Variants in AGL observed in about 807,000 individuals in gnomAD.
The protein encoded by AGL is amylo-alpha-1,6-glucosidase and 4-alpha-glucanotransferase, also known as glycogen debranching enzyme.
In AGL, 128 loss-of-function variants were observed where a neutral mutation model predicts 199.3. The ratio of observed to expected loss-of-function variants is 0.64; its 90% confidence interval spans 0.56 to 0.74. AGL has a LOEUF of 0.74. Among genes scored for constraint, AGL ranks in the 30% least tolerant of loss-of-function variants. The pLI is 0.00. For synonymous variants in AGL, 584 were observed against 594.7 expected, an observed-to-expected ratio of 0.98 and a Z score of 0.26; for missense variants, 1,809 against 1,820.8, an observed-to-expected ratio of 0.99 and a Z score of 0.12.
In AGL at chr1:99,854,889, G is replaced by C. The variant is rs529163509; in HGVS notation, c.82+3765G>C. On this transcript the variant is annotated intron_variant, in intron 2 of 33. Transcript: ENST00000361915. ...ACACATCTGATTAAAGAAAAGGATT[G>C]AACAGCCTGAGTTGAAAAAGAGAGG... Among the ~76,000 whole-genome samples the C allele has an allele frequency of 1.4e-3, 213 of 151,996 alleles. 3 individuals carry two copies. Among genetic ancestry groups the C allele is most frequent in the Non-Finnish European group, 2.4e-3 (161 of 67,962 alleles).
In AGL at chr1:99,916,411, G is replaced by T. The variant is rs750525703; in HGVS notation, c.4261G>T (p.Asp1421Tyr). Residue 1421 changes from aspartate (D) to tyrosine (Y), a missense_variant and splice_region_variant, in exon 32 of 34, where the codon GAT becomes TAT. Asp to Tyr is a radical substitution (Grantham distance 160). Transcript: ENST00000361915. ...PLGMKTLDPD[D>Y]MVYCGIYDNA... ...ACTTAAATTTCAATCATTTTGCAGT[G>T]ATATGGTTTACTGTGGAATTTATGA... 6.2e-7 allele frequency: 1 copy of T among 1,604,974 alleles called. No individual in the cohort carries two copies. The highest frequency in any genetic ancestry group is 1.7e-5 in the Admixed American group (1 of 59,630).
Position 99,888,067 on chromosome 1 carries a change from A to G in AGL, c.2771A>G (p.Asp924Gly). ...AAGGAAGATGGTGGAGGGTGCTATG[A>G]CATACCAAACTGGTCAGCCCTTAAA... ...EEKEDGGGCY[D>G]IPNWSALKYA... The change falls in exon 21 of 34, where the codon GAC becomes GGC. Residue 924 changes from aspartate (D) to glycine (G), a missense_variant. Asp to Gly is a moderately conservative substitution (Grantham distance 94). Coordinates refer to ENST00000361915, the MANE Select transcript of AGL (RefSeq NM_000642.3). The G allele has an allele frequency of 1.2e-6, 2 of 1,613,534 alleles. No homozygotes were observed. The highest frequency in any genetic ancestry group is 1.1e-5 in the South Asian group (1 of 91,072).
At chr1:99,882,140 A>C (rs1406677899) in intron 17 of AGL, among the ~76,000 whole-genome samples, 1 of 103,704 alleles carries the variant, frequency 9.6e-6, no homozygotes, top group Non-Finnish European at 2.2e-5. Context: ...CTATCTCAAA[A>C]AAAAAAAAAA....
At chr1:99,902,920 T>G in intron 27 of AGL, 126 bp downstream of exon 27, 1 of 720,570 alleles carries the variant, frequency 1.4e-6, no homozygotes, top group Non-Finnish European at 2.3e-6. Flanking sequence ...ATTAACATAG[T>G]TCCTGATCTC....
At position 99,899,289 on chromosome 1, in the gene AGL, A is replaced by C. The variant is rs543010377; in HGVS notation, c.3363-1347A>C. On this transcript the variant is annotated intron_variant, in intron 25 of 33. Coordinates refer to ENST00000361915, the MANE Select transcript of AGL (RefSeq NM_000642.3). ...CAGTAAGACCTAGACATTTTAAATAACATTTCCAAGGCCACACAGATGGCA... is the reference window on the plus strand; with the variant it reads ...CAGTAAGACCTAGACATTTTAAATACCATTTCCAAGGCCACACAGATGGCA... 2.6e-5 allele frequency among the ~76,000 whole-genome samples: 4 copies of C among 152,332 alleles called. No individual in the cohort carries two copies. The South Asian group carries it at 6.2e-4, about 24-fold the overall frequency.
chr1:99,874,853 C>G (rs772155537), intron 8 of AGL, 43 bp downstream of exon 8: 40 of 1,596,806 alleles, frequency 2.5e-5, no homozygotes, highest in Non-Finnish European at 3.4e-5. Flanking sequence ...ATATTACTTA[C>G]AAACCTTTAT....
In AGL at chr1:99,862,270, G is replaced by A; in HGVS notation, c.307G>A (p.Gly103Ser). ...YYFLQGNEKS[G>S]GGYIVVDPIL... The stretch of plus-strand genomic sequence containing the variant: ...TTTTTCCCTTAGAAATGAGAAAAGT[G>A]GTGGAGGTTACATAGTTGTGGACCC... Residue 103 changes from glycine (G) to serine (S), a missense_variant, in exon 4 of 34, where the codon GGT becomes AGT. Transcript: ENST00000361915. The A allele has an allele frequency of 6.2e-7, 1 of 1,613,970 alleles. No homozygotes were observed. The highest frequency in any genetic ancestry group is 8.5e-7 in the Non-Finnish European group (1 of 1,179,988).
In AGL at chr1:99,870,464, C is replaced by T. The variant is rs2101112196; in HGVS notation, c.729C>T (p.His243=). 1 of 1,614,048 alleles carries T rather than the reference C, an allele frequency of 6.2e-7. No homozygotes were observed. The highest frequency in any genetic ancestry group is 8.5e-7 in the Non-Finnish European group (1 of 1,179,952). The change falls in exon 6 of 34, where the codon CAC becomes CAT. Residue 243 remains histidine, a synonymous_variant. Coordinates refer to ENST00000361915, the MANE Select transcript of AGL (RefSeq NM_000642.3). ...CCTATAATCTTGTGAATTCTCCACACTTAAAACCTGCCTGGGTCTTAGACA... is the reference window on the plus strand; with the variant it reads ...CCTATAATCTTGTGAATTCTCCACATTTAAAACCTGCCTGGGTCTTAGACA... ...ECAYNLVNSP[H]LKPAWVLDRA...
rs779281132 is a variant in AGL at position 99,870,436 on chromosome 1, G to A, written c.701G>A (p.Cys234Tyr). The change falls in exon 6 of 34, where the codon TGT (cysteine) becomes TAT (tyrosine). Residue 234 changes from cysteine (C) to tyrosine (Y), a missense_variant. Coordinates refer to ENST00000361915, the MANE Select transcript of AGL (RefSeq NM_000642.3). ...AAATGGATCCAGGAACATCCAGAAT[G>A]TGCCTATAATCTTGTGAATTCTCCA... is the stretch of plus-strand genomic sequence containing the variant. ...NSKWIQEHPE[C>Y]AYNLVNSPHL... is the part of the protein sequence containing the mutation. 3 of 1,614,052 alleles carry A rather than the reference G, an allele frequency of 1.9e-6. No individual in the cohort carries two copies. The highest frequency in any genetic ancestry group is 1.3e-5 in the African/African-American group (1 of 75,048).
In AGL at chr1:99,891,587, A is replaced by G. The variant is rs1468403245; in HGVS notation, c.2950-19A>G. 2 of 1,613,096 alleles carry G rather than the reference A, an allele frequency of 1.2e-6. No individual in the cohort carries two copies. Among genetic ancestry groups the G allele is most frequent in the Non-Finnish European group, 1.7e-6 (2 of 1,179,414 alleles). On this transcript the variant is annotated intron_variant, in intron 22 of 33. Transcript: ENST00000361915. ...CTGTACACATACCAAATTAACTTTC[A>G]AATTTATTTTAATTACAGGTTGGTA... is the stretch of plus-strand genomic sequence containing the variant.
chr1:99,905,371 A>ATTT (rs1207893222), intron 27 of AGL, among the ~76,000 whole-genome samples: 14 of 141,006 alleles, frequency 9.9e-5, no homozygotes, highest in African/African-American at 3.7e-4. Flanking sequence ...AATTTTTTGT[A>ATTT]TTTGTTGTTG....
At chr1:99,866,032 C>T (rs1434011570) in intron 5 of AGL, among the ~76,000 whole-genome samples, 1 of 152,076 alleles carries the variant, frequency 6.6e-6, no homozygotes. Flanking sequence ...GCTTGAGAGG[C>T]TGAAGTGGGA....
At chr1:99,869,418 G>A (rs1045214147) in intron 5 of AGL, among the ~76,000 whole-genome samples, 2 of 152,124 alleles carry the variant, frequency 1.3e-5, no homozygotes, top group African/African-American at 4.8e-5. Flanking sequence ...AATTATATAA[G>A]GGTGCTCAGC....
At chr1:99,895,814 A>G (rs866081904) in intron 24 of AGL, among the ~76,000 whole-genome samples, 85 of 152,188 alleles carry the variant, frequency 5.6e-4, no homozygotes, top group African/African-American at 1.9e-3. Context: ...ATTCTCTACA[A>G]AAAATACAAA....
intron 2 of AGL, among the ~76,000 whole-genome samples, chr1:99,858,214 A>C (rs1649735611): frequency 6.6e-6 from 1 of 152,246 alleles, no homozygotes; most frequent in African/African-American, 2.4e-5. Context: ...CGAACTTAAA[A>C]GATGAGTTAG....
Position 99,922,489 on chromosome 1 carries a change from A to T in AGL, c.*838A>T, listed in dbSNP as rs1655580865. 1 of 151,804 alleles carries T rather than the reference A, an allele frequency of 6.6e-6. No individual in the cohort carries two copies. Among genetic ancestry groups the T allele is most frequent in the Non-Finnish European group, 1.5e-5 (1 of 67,802 alleles). The allele number at this position is 151,804 out of a possible 1,614,324, so 9.4% of individuals were successfully genotyped here. A position where few individuals can be genotyped will look rare whatever the true frequency, so the allele number is the denominator to read the frequency against. ...AATCTATTGCTAGATCATAGTAGATACTGGTTTTCTATTAACTCAAAACCT... is the reference window on the plus strand; with the variant it reads ...AATCTATTGCTAGATCATAGTAGATTCTGGTTTTCTATTAACTCAAAACCT... On this transcript the variant is annotated 3_prime_UTR_variant, in exon 34 of 34. Coordinates refer to ENST00000361915, the MANE Select transcript of AGL (RefSeq NM_000642.3).
rs948466428 is a variant in AGL at position 99,884,243 on chromosome 1, A to G, written c.2432A>G (p.Gln811Arg). The G allele has an allele frequency of 1.2e-6, 2 of 1,613,270 alleles. No homozygotes were observed. Among genetic ancestry groups the G allele is most frequent in the East Asian group, 2.2e-5 (1 of 44,764 alleles). ...ACAGTAGAAATTAGAGAACATATTCAGGTATTTGGGACTCTCATCTTACTA... is the reference window on the plus strand; with the variant it reads ...ACAGTAGAAATTAGAGAACATATTCGGGTATTTGGGACTCTCATCTTACTA... Reference protein sequence around the residue: ...DITVEIREHIQLNESKIVKQA... With the variant: ...DITVEIREHIRLNESKIVKQA... Residue 811 changes from glutamine to arginine, a missense_variant and splice_region_variant, in exon 18 of 34, where the codon CAG becomes CGG. By Grantham distance (43) the Gln-to-Arg change is conservative. Coordinates refer to ENST00000361915, the MANE Select transcript of AGL (RefSeq NM_000642.3).
chr1:99,907,693 G>GTTTTTTTTTGTTTTT (rs71075465), intron 27 of AGL, among the ~76,000 whole-genome samples: 2 of 118,944 alleles, frequency 1.7e-5, no homozygotes, highest in East Asian at 2.7e-4. Flanking sequence ...TTTGTTTTTT[G>GTTTTTTTTTGTTTTT]TTTTTTTTGC....
chr1:99,858,261 G>C (rs1649740739), intron 2 of AGL, among the ~76,000 whole-genome samples: 3 of 152,176 alleles, frequency 2.0e-5, no homozygotes, highest in Admixed American at 2.0e-4. Context: ...GAAATAACAA[G>C]TAGCATTAGA....
Sources: allele counts gnomAD v4.1 joint callset (sites outside exome capture counted in the v4.1 genomes callset), GRCh38; gene constraint gnomAD v4.1.1; transcripts MANE v1.5; gene names NCBI Gene and HGNC (gene_info 2026-07-23, HGNC 2026-07-21).